Variants in SH3RF1 observed in about 807,000 individuals in gnomAD.
SH3RF1 encodes the protein E3 ubiquitin-protein ligase SH3RF1.
SH3RF1 carries 32 observed loss-of-function variants against 74.0 expected under a neutral mutation model. The ratio of observed to expected loss-of-function variants is 0.43; its 90% CI spans 0.33 to 0.58. The LOEUF (loss-of-function observed/expected upper bound fraction) is 0.58, where lower values mean the gene tolerates loss of function less well. Ranked by LOEUF, SH3RF1 falls within the 20% of genes least tolerant of loss-of-function variation. SH3RF1 has a pLI of 0.05. For synonymous variants in SH3RF1, 396 were observed against 439.6 expected (o/e 0.90, Z 1.24); for missense variants, 954 against 1,130.9 (o/e 0.84, Z 2.24).
intron 2 of SH3RF1, among the ~76,000 whole-genome samples, chr4:169,210,505 T>C (rs970892428): frequency 2.0e-5 from 3 of 152,222 alleles, no homozygotes; most frequent in African/African-American, 7.2e-5. Flanking sequence ...TAAGCCTCTT[T>C]TAAAATTAAA....
At chr4:169,143,964 G>A (rs1733828491) in intron 4 of SH3RF1, among the ~76,000 whole-genome samples, 1 of 152,230 alleles carries the variant, frequency 6.6e-6, no homozygotes, top group South Asian at 2.1e-4. Flanking sequence ...GACTGTCAGA[G>A]AAAACCACAG....
Position 169,120,913 on chromosome 4 carries a change from A to G in SH3RF1, c.1423T>C (p.Phe475Leu), listed in dbSNP as rs1444674366. Residue 475 changes from phenylalanine (F) to leucine (L), a missense_variant, in exon 8 of 12, where the codon TTT (phenylalanine) becomes CTT (leucine). By Grantham distance (22) the Phe-to-Leu change is conservative. Coordinates refer to ENST00000284637, the MANE Select transcript of SH3RF1 (RefSeq NM_020870.4). ...ELRKGEMFLV[F>L]ERCQDGWFKG... ...AACCAGCCATCCTGGCAGCGCTCAA[A>G]CACTAAAAACATCTCCCCTTTTCTC... is the stretch of plus-strand genomic sequence containing the variant. The G allele has an allele frequency of 6.2e-7, 1 of 1,614,184 alleles. No individual in the cohort carries two copies. Among genetic ancestry groups the G allele is most frequent in the South Asian group, 1.1e-5 (1 of 91,088 alleles).
intron 7 of SH3RF1, among the ~76,000 whole-genome samples, chr4:169,121,367 C>T (rs1371122530): frequency 6.6e-6 from 1 of 152,170 alleles, no homozygotes; most frequent in Admixed American, 6.5e-5. Flanking sequence ...AGAAGTAGCC[C>T]CAAATGAGAA....
intron 2 of SH3RF1, among the ~76,000 whole-genome samples, chr4:169,248,826 T>C (rs1161647234): frequency 6.6e-6 from 1 of 152,220 alleles, no homozygotes; most frequent in Non-Finnish European, 1.5e-5. Context: ...AGTGACCTCA[T>C]AGAACTACTC....
At chr4:169,148,114 A>T (rs1240874970) in intron 4 of SH3RF1, among the ~76,000 whole-genome samples, 1 of 152,210 alleles carries the variant, frequency 6.6e-6, no homozygotes. Flanking sequence ...ATGTTTCATA[A>T]TTTGTTATGA....
chr4:169,115,031 T>C (rs1469741144), intron 10 of SH3RF1, among the ~76,000 whole-genome samples: 2 of 152,162 alleles, frequency 1.3e-5, no homozygotes, highest in African/African-American at 4.8e-5. Flanking sequence ...TTCTTTTTCT[T>C]TTTACATTTA....
intron 2 of SH3RF1, among the ~76,000 whole-genome samples, chr4:169,252,914 G>C (rs1731129687): frequency 6.6e-6 from 1 of 152,128 alleles, no homozygotes; most frequent in African/African-American, 2.4e-5. Context: ...TATGACTCTA[G>C]CTAGTTGTTA....
rs1015697487 is a variant in SH3RF1, at chr4:169,116,481, G to A, written c.1927C>T (p.His643Tyr). The change falls in exon 10 of 12, where the codon CAC (histidine) becomes TAC (tyrosine). Residue 643 changes from histidine (H) to tyrosine (Y), a missense_variant. By Grantham distance (83) the His-to-Tyr change is moderately conservative. Around this residue, in one of 3 missense-constraint regions of SH3RF1, gnomAD observed 854 missense variants for 962.5 expected, o/e 0.89. Coordinates refer to ENST00000284637, the MANE Select transcript of SH3RF1 (RefSeq NM_020870.4). Reference sequence around the variant, plus strand: ...CGACTGATACTGATGGCAGCAGTGTGCGTGGCTGAGCCTGGCATCAGAGGC... The same window carrying A: ...CGACTGATACTGATGGCAGCAGTGTACGTGGCTGAGCCTGGCATCAGAGGC... ...PAPLMPGSAT[H>Y]TAAISISRAS... 1 of 1,613,844 alleles carries A rather than the reference G, an allele frequency of 6.2e-7. No homozygotes were observed. Among genetic ancestry groups the A allele is most frequent in the South Asian group, 1.1e-5 (1 of 90,988 alleles).
At position 169,130,872 on chromosome 4, in the gene SH3RF1, A is replaced by G. The variant is rs143531569; in HGVS notation, c.1069-716T>C. Among the ~76,000 whole-genome samples the G allele has an allele frequency of 4.3e-4, 66 of 152,340 alleles. No homozygotes were observed. In the East Asian group the frequency reaches 0.011, roughly 26 times the overall value. On this transcript the variant is annotated intron_variant, in intron 5 of 11. Coordinates refer to ENST00000284637, the MANE Select transcript of SH3RF1 (RefSeq NM_020870.4). The stretch of plus-strand genomic sequence containing the variant: ...TCACTCAGGTTGCATAGCAGGTCCA[A>G]CTGCAGAATGCAGTGGTGTTACTAG...
Position 169,117,610 on chromosome 4 carries a change from G to A in SH3RF1, c.1690C>T (p.His564Tyr), listed in dbSNP as rs1360483896. ...TTAGCCTGAGGACTTGTCTGGATGT[G>A]AGCTGCTGATACCACAGCTGCGGGG... is the stretch of plus-strand genomic sequence containing the variant. The part of the protein sequence containing the change: ...VVPAAVVSAA[H>Y]IQTSPQAKVL... Residue 564 changes from histidine to tyrosine, a missense_variant, in exon 9 of 12, where the codon CAC becomes TAC. Transcript: ENST00000284637. The A allele has an allele frequency of 1.9e-6, 3 of 1,614,102 alleles. No individual in the cohort carries two copies. Among genetic ancestry groups the A allele is most frequent in the African/African-American group, 1.3e-5 (1 of 74,934 alleles).
At chr4:169,141,145 T>C (rs137893048) in intron 4 of SH3RF1, among the ~76,000 whole-genome samples, 1 of 152,264 alleles carries the variant, frequency 6.6e-6, no homozygotes, top group East Asian at 1.9e-4. Flanking sequence ...CCTCAGCCAG[T>C]TCCCCACATC....
At chr4:169,140,892 C>T (rs918607393) in intron 4 of SH3RF1, among the ~76,000 whole-genome samples, 4 of 152,112 alleles carry the variant, frequency 2.6e-5, no homozygotes, top group African/African-American at 9.7e-5. Context: ...GCAAGCTTGT[C>T]CAACCCACGG....
chr4:169,192,030 A>C (rs1306664382), intron 2 of SH3RF1, among the ~76,000 whole-genome samples: 1 of 152,178 alleles, frequency 6.6e-6, no homozygotes, highest in Non-Finnish European at 1.5e-5. Flanking sequence ...CCATAAAAAC[A>C]AAGATTAAAT....
At chr4:169,213,253 C>G (rs114086129) in intron 2 of SH3RF1, among the ~76,000 whole-genome samples, 231 of 152,302 alleles carry the variant, frequency 1.5e-3, no homozygotes, top group African/African-American at 5.2e-3. Flanking sequence ...TGGTAGCTCA[C>G]TTTAATCTGC....
At chr4:169,102,915 C>CTT (rs66574732) in intron 11 of SH3RF1, among the ~76,000 whole-genome samples, 23,709 of 66,930 alleles carry the variant, frequency 0.35, 6,601 homozygotes, top group Non-Finnish European at 0.4. Context: ...CAGTCACATT[C>CTT]TTTTTTTTTT....
intron 11 of SH3RF1, among the ~76,000 whole-genome samples, chr4:169,099,947 A>ATTCT (rs1338594552): frequency 2.0e-5 from 3 of 152,192 alleles, no homozygotes; most frequent in Non-Finnish European, 4.4e-5. Context: ...TCTACTTAGA[A>ATTCT]ATCTTCCAGC....
chr4:169,218,400 T>C (rs1272461940), intron 2 of SH3RF1, among the ~76,000 whole-genome samples: 3 of 142,806 alleles, frequency 2.1e-5, no homozygotes, highest in African/African-American at 7.7e-5. Flanking sequence ...TTATAGAATA[T>C]AGAATATAGA....
chr4:169,270,115 C>G (rs573769782), intron 1 of SH3RF1, among the ~76,000 whole-genome samples: 1 of 152,354 alleles, frequency 6.6e-6, no homozygotes, highest in East Asian at 1.9e-4. Context: ...CCGCTCTCCC[C>G]CCACCGCCAA....
intron 2 of SH3RF1, among the ~76,000 whole-genome samples, chr4:169,184,325 T>C (rs1357756559): frequency 2.6e-5 from 4 of 152,214 alleles, no homozygotes; most frequent in African/African-American, 9.6e-5. Flanking sequence ...CCAGAGCACA[T>C]CACACGTGCA....
Sources: gnomAD v4.1 joint callset for allele counts (sites outside exome capture counted in the v4.1 genomes callset) on GRCh38, gnomAD v4.1.1 for gene constraint, gnomAD v4.1.1 regional missense constraint, MANE v1.5 for transcripts, NCBI Gene and HGNC (gene_info 2026-07-23, HGNC 2026-07-21) for gene names.